AKAP9: variants seen among roughly 807,000 people sequenced by gnomAD.
AKAP9 encodes A-kinase anchor protein 9.
AKAP9 carries 311 observed loss-of-function variants against 488.5 expected under a neutral mutation model. The observed-to-expected ratio is 0.64, with a 90% CI of 0.58 to 0.70. The LOEUF (loss-of-function observed/expected upper bound fraction) is 0.70, where lower values mean the gene tolerates loss of function less well. Among genes scored for constraint, AKAP9 ranks in the 30% least tolerant of loss-of-function variants. The probability of loss-of-function intolerance (pLI) is 0.00; values close to 1 mark genes in which losing one functional copy is unlikely to be tolerated. For synonymous variants in AKAP9, 1,462 were observed against 1,483.5 expected (o/e 0.99, Z 0.33); for missense variants, 4,215 against 4,374.5 (o/e 0.96, Z 1.03).
At chr7:91,989,350 G>A (rs1380448766) in intron 3 of AKAP9, among the ~76,000 whole-genome samples, 2 of 151,988 alleles carry the variant, frequency 1.3e-5, no homozygotes, top group African/African-American at 4.8e-5. Context: ...ATCCTATTAT[G>A]TACACTAGAG....
At chr7:91,967,783 G>A (rs1254278129) in intron 1 of AKAP9, among the ~76,000 whole-genome samples, 1 of 152,042 alleles carries the variant, frequency 6.6e-6, no homozygotes, top group African/African-American at 2.4e-5. Flanking sequence ...GTCCTTGTCT[G>A]GTTTTGGTAT....
chr7:92,046,591 C>A (rs1023268366), intron 21 of AKAP9, among the ~76,000 whole-genome samples: 1 of 152,136 alleles, frequency 6.6e-6, no homozygotes, highest in Non-Finnish European at 1.5e-5. Context: ...TGAAATAATA[C>A]TGAATTTTAA....
At position 92,001,671 on chromosome 7, in the gene AKAP9, T is replaced by A. The variant is rs757679497; in HGVS notation, c.1754T>A (p.Leu585Gln). 1.2e-6 allele frequency: 2 copies of A among 1,612,726 alleles called. No homozygotes were observed. Among genetic ancestry groups the A allele is most frequent in the East Asian group, 4.5e-5 (2 of 44,838 alleles). Residue 585 changes from leucine to glutamine, a missense_variant, in exon 8 of 50, where the codon CTA (leucine) becomes CAA (glutamine). Physicochemically the swap from Leu to Gln is moderately radical, Grantham distance 113. Transcript: ENST00000356239. ...IVSASESRKE[L>Q]ELKHEAEVTN... ...TCTGCATCTGAATCCAGAAAGGAAC[T>A]AGAATTAAAACATGAAGCAGAAGTT...
intron 8 of AKAP9, among the ~76,000 whole-genome samples, chr7:92,010,709 A>C (rs1800624464): frequency 6.6e-6 from 1 of 152,152 alleles, no homozygotes; most frequent in Non-Finnish European, 1.5e-5. Context: ...GCTGGAGTAC[A>C]GTGGCATGAT....
At chr7:92,055,595 T>C (rs1037154963) in intron 22 of AKAP9, among the ~76,000 whole-genome samples, 2 of 152,088 alleles carry the variant, frequency 1.3e-5, no homozygotes, top group Non-Finnish European at 2.9e-5. Context: ...CCTTCAAATA[T>C]ACATTAAAAT....
At chr7:91,997,853 AT>A (rs964135988) in intron 7 of AKAP9, among the ~76,000 whole-genome samples, 5 of 152,124 alleles carry the variant, frequency 3.3e-5, no homozygotes, top group Non-Finnish European at 7.4e-5. Context: ...CACTATATAC[AT>A]TTTTTTAAAT....
chr7:92,033,886 C>T (rs73226337), intron 16 of AKAP9, among the ~76,000 whole-genome samples: 1 of 152,280 alleles, frequency 6.6e-6, no homozygotes, highest in Non-Finnish European at 1.5e-5. Flanking sequence ...AAGCAATGTT[C>T]TGGGTGCTGA....
chr7:91,941,524 T>G (rs926013147), intron 1 of AKAP9, among the ~76,000 whole-genome samples: 4 of 152,060 alleles, frequency 2.6e-5, no homozygotes, highest in African/African-American at 4.8e-5. Flanking sequence ...AGGGTGGGGA[T>G]TTAGGGCTTT....
chr7:92,097,133 C>T lies in AKAP9; in HGVS notation c.10174C>T (p.Gln3392Ter). 1 of 1,614,222 alleles carries T rather than the reference C, an allele frequency of 6.2e-7. No individual in the cohort carries two copies. The highest frequency in any genetic ancestry group is 8.5e-7 in the Non-Finnish European group (1 of 1,180,036). ...KDRQVHRKTL[Q>*]TEQEANTEGQ... ...TAGGCAGGTTCACAGGAAAACACTG[C>T]AGACAGAACAGGAGGCCAACACTGA... The change falls in exon 41 of 50, where the codon CAG (glutamine) becomes TAG (stop). Residue 3392 changes from glutamine to a stop codon, truncating the protein, a stop_gained. Transcript: ENST00000356239. LOFTEE classifies it high-confidence loss of function.
chr7:91,950,821 A>G (rs999745531), intron 1 of AKAP9, among the ~76,000 whole-genome samples: 4 of 152,208 alleles, frequency 2.6e-5, no homozygotes, highest in African/African-American at 9.6e-5. Context: ...GGAAATATCT[A>G]CTAGGAGTTT....
intron 3 of AKAP9, among the ~76,000 whole-genome samples, chr7:91,982,706 C>T (rs1796587655): frequency 6.6e-6 from 1 of 152,144 alleles, no homozygotes; most frequent in Admixed American, 6.5e-5. Context: ...GGTATATACC[C>T]AGTAATGGGA....
chr7:91,967,514 G>A (rs1327579824), intron 1 of AKAP9, among the ~76,000 whole-genome samples: 1 of 152,136 alleles, frequency 6.6e-6, no homozygotes, highest in Non-Finnish European at 1.5e-5. Context: ...CTATCCTAAA[G>A]GCATGTTGAA....
chr7:92,097,841 G>C, intron 42 of AKAP9, 47 bp downstream of exon 42: 1 of 1,581,114 alleles, frequency 6.3e-7, no homozygotes, highest in Non-Finnish European at 8.7e-7. Context: ...TTCTTAGGCT[G>C]GGTAGACCCC....
intron 1 of AKAP9, among the ~76,000 whole-genome samples, chr7:91,946,642 G>A (rs1241500888): frequency 2.6e-5 from 4 of 152,158 alleles, no homozygotes; most frequent in Non-Finnish European, 5.9e-5. Context: ...CCAAAGTGCC[G>A]AGATTATAGG....
chr7:91,992,792 A>C, intron 4 of AKAP9, 93 bp from the exon 5 acceptor site: 3 of 1,221,998 alleles, frequency 2.5e-6, no homozygotes, highest in Non-Finnish European at 3.5e-6. Context: ...GTGATGTTTT[A>C]AAGTGGACCT....
chr7:92,042,793 T>G, intron 20 of AKAP9, 22 bp downstream of exon 20: 1 of 1,479,980 alleles, frequency 6.8e-7, no homozygotes, highest in Non-Finnish European at 9.4e-7. Context: ...GTGTACTTTT[T>G]CAGTGCAAAG....
At chr7:91,993,262 C>T (rs1286391478) in intron 5 of AKAP9, among the ~76,000 whole-genome samples, 1 of 151,286 alleles carries the variant, frequency 6.6e-6, no homozygotes, top group Non-Finnish European at 1.5e-5. Flanking sequence ...AATCTCGGCC[C>T]ACTGCATCCT....
intron 48 of AKAP9, among the ~76,000 whole-genome samples, chr7:92,108,292 C>T (rs1272244624): frequency 6.6e-6 from 1 of 152,186 alleles, no homozygotes; most frequent in African/African-American, 2.4e-5. Flanking sequence ...ATTGGACATT[C>T]TTATGTTGAC....
intron 1 of AKAP9, among the ~76,000 whole-genome samples, chr7:91,951,025 C>T (rs942798285): frequency 2.6e-5 from 4 of 151,982 alleles, no homozygotes; most frequent in Non-Finnish European, 5.9e-5. Context: ...AACAAGAGAA[C>T]TCTCACTTTT....
Sources: gnomAD v4.1 joint callset for allele counts (sites outside exome capture counted in the v4.1 genomes callset) on GRCh38, gnomAD v4.1.1 for gene constraint, MANE v1.5 for transcripts, NCBI Gene and HGNC (gene_info 2026-07-23, HGNC 2026-07-21) for gene names.